Variants in CSMD3 observed in about 807,000 individuals in gnomAD.
The protein encoded by CSMD3 is CUB and sushi domain-containing protein 3.
Under a neutral mutation model 435.2 loss-of-function variants are expected in CSMD3, and 177 were observed. The observed-to-expected ratio is 0.41, with a 90% CI of 0.36 to 0.46. The LOEUF is 0.46. Among genes scored for constraint, CSMD3 ranks in the 20% least tolerant of loss-of-function variants. CSMD3 has a pLI of 0.34. For synonymous variants in CSMD3, 1,656 were observed against 1,520.5 expected, an observed-to-expected ratio of 1.09 and a Z score of -2.07; for missense variants, 4,265 against 4,504.6, an observed-to-expected ratio of 0.95 and a Z score of 1.52.
At chr8:113,229,726 A>C (rs1475782660) in intron 3 of CSMD3, among the ~76,000 whole-genome samples, 1 of 151,606 alleles carries the variant, frequency 6.6e-6, no homozygotes, top group Non-Finnish European at 1.5e-5. Context: ...AACTTGAAGT[A>C]TATTACCTAT....
chr8:112,581,780 G>C (rs1041785178), intron 23 of CSMD3, among the ~76,000 whole-genome samples: 4 of 151,996 alleles, frequency 2.6e-5, no homozygotes, highest in African/African-American at 7.2e-5. Context: ...TAATATTTCA[G>C]GTTGTAGATC....
chr8:112,572,953 A>G (rs1829655543), intron 24 of CSMD3, among the ~76,000 whole-genome samples: 1 of 152,098 alleles, frequency 6.6e-6, no homozygotes, highest in Non-Finnish European at 1.5e-5. Context: ...TTGAACTTCA[A>G]CTTATTTAAA....
chr8:112,670,692 T>C (rs2075636097), intron 16 of CSMD3, among the ~76,000 whole-genome samples: 1 of 152,096 alleles, frequency 6.6e-6, no homozygotes, highest in African/African-American at 2.4e-5. Flanking sequence ...TGGATGGTGA[T>C]TCCATTCACC....
intron 7 of CSMD3, among the ~76,000 whole-genome samples, chr8:112,966,983 C>G (rs186208153): frequency 1.6e-4 from 24 of 151,982 alleles, no homozygotes; most frequent in African/African-American, 5.5e-4. Context: ...AAATGTTGTT[C>G]TCTCTCCATG....
intron 1 of CSMD3, among the ~76,000 whole-genome samples, chr8:113,408,662 T>TG (rs1563792707): frequency 6.6e-6 from 1 of 151,982 alleles, no homozygotes; most frequent in Non-Finnish European, 1.5e-5. Flanking sequence ...GGAGTTTTTT[T>TG]TTTTTTTTTG....
At chr8:113,013,676 A>C (rs2086343170) in intron 6 of CSMD3, among the ~76,000 whole-genome samples, 1 of 152,064 alleles carries the variant, frequency 6.6e-6, no homozygotes, top group Non-Finnish European at 1.5e-5. Flanking sequence ...AATCTTCAGG[A>C]AACTGAAGGA....
chr8:112,649,686 A>G (rs1235801293), intron 19 of CSMD3, among the ~76,000 whole-genome samples: 1 of 152,224 alleles, frequency 6.6e-6, no homozygotes, highest in Non-Finnish European at 1.5e-5. Context: ...TATTATAACT[A>G]GGAACTTGAC....
intron 24 of CSMD3, among the ~76,000 whole-genome samples, chr8:112,568,449 G>A (rs1829238948): frequency 6.6e-6 from 1 of 151,860 alleles, no homozygotes; most frequent in East Asian, 1.9e-4. Context: ...AAAAAAATTA[G>A]CCAGGCATGG....
chr8:113,355,215 G>A (rs1210247455), intron 1 of CSMD3, among the ~76,000 whole-genome samples: 1 of 151,922 alleles, frequency 6.6e-6, no homozygotes, highest in African/African-American at 2.4e-5. Context: ...TATTCCTAAT[G>A]TGGGTATATA....
chr8:112,488,505 T>G (rs184829162), intron 31 of CSMD3, among the ~76,000 whole-genome samples: 81 of 152,292 alleles, frequency 5.3e-4, no homozygotes, highest in Non-Finnish European at 8.7e-4. Flanking sequence ...GTTTTGCTTA[T>G]TTTCACTCCT....
intron 10 of CSMD3, among the ~76,000 whole-genome samples, chr8:112,899,629 A>ATATATATATATG (rs1564081768): frequency 1.2e-5 from 1 of 85,362 alleles, no homozygotes; most frequent in Non-Finnish European, 2.6e-5. Flanking sequence ...ATATATATAT[A>ATATATATATATG]TATGTATATA....
rs571130682 is a variant in CSMD3 at position 112,390,770 on chromosome 8, A to C, written c.5828T>G (p.Leu1943Ter). The C allele has an allele frequency of 6.2e-7, 1 of 1,613,708 alleles. No homozygotes were observed. Among genetic ancestry groups the C allele is most frequent in the East Asian group, 2.2e-5 (1 of 44,864 alleles). Residue 1943 changes from leucine to a stop codon, truncating the protein, a stop_gained, in exon 36 of 71, where the codon TTA becomes TGA. Coordinates refer to ENST00000297405, the MANE Select transcript of CSMD3 (RefSeq NM_198123.2). LOFTEE classifies it high-confidence loss of function. ...PTCIVPCGGI[L>*]TKRKGTILSP... The stretch of plus-strand genomic sequence containing the variant: ...CAAAATAGTCCCTTTGCGCTTAGTT[A>C]AAATTCCACCACAGGGCACTGAAAA...
intron 12 of CSMD3, among the ~76,000 whole-genome samples, chr8:112,828,237 T>C (rs2079756905): frequency 1.3e-5 from 2 of 152,326 alleles, no homozygotes; most frequent in South Asian, 4.1e-4. Flanking sequence ...ATGCTGATCA[T>C]TTTCAAGAGA....
chr8:112,819,953 C>G (rs2079482422), intron 12 of CSMD3, among the ~76,000 whole-genome samples: 1 of 152,108 alleles, frequency 6.6e-6, no homozygotes, highest in African/African-American at 2.4e-5. Flanking sequence ...GTCCCATCAA[C>G]ATATTTGTTC....
chr8:112,943,361 A>T (rs545748836), intron 9 of CSMD3, among the ~76,000 whole-genome samples: 106 of 360 alleles, frequency 0.29, no homozygotes, highest in African/African-American at 0.41. Context: ...TTTATCGATT[A>T]TACTTTTTGG....
intron 38 of CSMD3, among the ~76,000 whole-genome samples, chr8:112,370,023 GGAAGAAGAAGAAGAA>G (rs71309767): frequency 0.064 from 4,279 of 66,588 alleles, 126 homozygotes; most frequent in East Asian, 0.11. Flanking sequence ...AAGAAGAAGA[GGAAGAAGAAGAAGAA>G]GAAGAAGAAG....
At position 113,267,221 on chromosome 8, in the gene CSMD3, C is replaced by T. The variant is rs73335593; in HGVS notation, c.514+11371G>A. Among the ~76,000 whole-genome samples the T allele has an allele frequency of 8.2e-3, 1,241 of 151,616 alleles. 26 individuals are homozygous for T. Among genetic ancestry groups the T allele is most frequent in the African/African-American group, 0.028 (1,178 of 41,458 alleles). Reference sequence around the variant, plus strand: ...CTTAAAAAACTAAAAATAGAATTACCATTCCACAGAAATTCCAGTACAGAA... The same window carrying T: ...CTTAAAAAACTAAAAATAGAATTACTATTCCACAGAAATTCCAGTACAGAA... On this transcript the variant is annotated intron_variant, in intron 3 of 70. Coordinates refer to ENST00000297405, the MANE Select transcript of CSMD3 (RefSeq NM_198123.2).
chr8:112,804,734 G>A (rs1289425096), intron 12 of CSMD3, among the ~76,000 whole-genome samples: 2 of 151,022 alleles, frequency 1.3e-5, no homozygotes, highest in African/African-American at 2.4e-5. Context: ...GCGCGATCTC[G>A]GCTCACTGCA....
chr8:112,500,096 G>A (rs1356921581), intron 30 of CSMD3, among the ~76,000 whole-genome samples: 1 of 151,592 alleles, frequency 6.6e-6, no homozygotes, highest in Non-Finnish European at 1.5e-5. Flanking sequence ...GCAACACAGC[G>A]ATACTCTGTC....
Sources: gnomAD v4.1 joint callset for allele counts (sites outside exome capture counted in the v4.1 genomes callset) on GRCh38, gnomAD v4.1.1 for gene constraint, MANE v1.5 for transcripts, NCBI Gene and HGNC (gene_info 2026-07-23, HGNC 2026-07-21) for gene names.